FHOD3: variants seen among roughly 807,000 people sequenced by gnomAD.
FHOD3 encodes FH1/FH2 domain-containing protein 3.
In FHOD3, 90 loss-of-function variants were observed where a neutral mutation model predicts 173.0. The observed-to-expected ratio is 0.52, with a 90% CI of 0.44 to 0.62. The LOEUF is 0.62. FHOD3 is among the 20% of genes least tolerant of loss of function. The pLI is 0.00. For missense variants in FHOD3, 1,945 were observed against 2,034.7 expected, an observed-to-expected ratio of 0.96 and a Z score of 0.85; for synonymous variants, 828 against 823.0, an observed-to-expected ratio of 1.01 and a Z score of -0.10.
intron 8 of FHOD3, among the ~76,000 whole-genome samples, chr18:36,609,622 T>G (rs2032457395): frequency 6.7e-6 from 1 of 149,580 alleles, no homozygotes; most frequent in Non-Finnish European, 1.5e-5. Flanking sequence ...TTTTTTTTTT[T>G]TTTTTGAGAC....
intron 1 of FHOD3, among the ~76,000 whole-genome samples, chr18:36,313,226 G>A (rs2092297257): frequency 6.6e-6 from 1 of 152,158 alleles, no homozygotes; most frequent in Admixed American, 6.5e-5. Flanking sequence ...CCTCATTCAA[G>A]GGCAAGGGGG....
chr18:36,531,896 A>C (rs2056797771), intron 5 of FHOD3, among the ~76,000 whole-genome samples: 1 of 151,346 alleles, frequency 6.6e-6, no homozygotes, highest in African/African-American at 2.4e-5. Context: ...AGTCTCCCCA[A>C]CTCTCTCCTG....
At chr18:36,746,111 A>G (rs373407906) in intron 23 of FHOD3, among the ~76,000 whole-genome samples, 2 of 152,118 alleles carry the variant, frequency 1.3e-5, no homozygotes, top group Non-Finnish European at 2.9e-5. Flanking sequence ...GAAATTCTAT[A>G]AAATCATCAC....
At chr18:36,598,213 A>G (rs1248194226) in intron 7 of FHOD3, among the ~76,000 whole-genome samples, 1 of 152,224 alleles carries the variant, frequency 6.6e-6, no homozygotes, top group Non-Finnish European at 1.5e-5. Context: ...CTCAGCAGGG[A>G]TGAGTGGACA....
intron 1 of FHOD3, among the ~76,000 whole-genome samples, chr18:36,347,346 C>T: frequency 6.6e-6 from 1 of 152,136 alleles, no homozygotes; most frequent in East Asian, 1.9e-4. Flanking sequence ...CTATCACTCC[C>T]TCTAAATTTA....
chr18:36,520,825 C>A (rs1010836313), intron 5 of FHOD3, among the ~76,000 whole-genome samples: 3 of 152,168 alleles, frequency 2.0e-5, no homozygotes, highest in African/African-American at 7.2e-5. Flanking sequence ...TTTCCACGAC[C>A]AAATCTCACT....
chr18:36,749,816 CT>C lies in FHOD3; in HGVS notation c.4232+2688del, dbSNP rs542777271. 3.1e-3 allele frequency among the ~76,000 whole-genome samples: 471 copies of C among 152,252 alleles called. 3 individuals are homozygous for C. The highest frequency in any genetic ancestry group is 0.011 in the African/African-American group (449 of 41,556). The stretch of plus-strand genomic sequence containing the variant: ...TCCCTCCAACCGAGTATAAGTGTTC[CT>C]TTTTTTCCACAACTTCACCAACATC... On this transcript the variant is annotated intron_variant, in intron 24 of 28. Coordinates refer to ENST00000590592, the MANE Select transcript of FHOD3 (RefSeq NM_001281740.3).
At chr18:36,735,259 G>T (rs982505807) in intron 20 of FHOD3, among the ~76,000 whole-genome samples, 1 of 152,210 alleles carries the variant, frequency 6.6e-6, no homozygotes, top group African/African-American at 2.4e-5. Context: ...TTTGAAAGCA[G>T]TTTAACCTGT....
At chr18:36,626,710 T>G (rs116447277) in intron 10 of FHOD3, among the ~76,000 whole-genome samples, 3,908 of 152,284 alleles carry the variant, frequency 0.026, 179 homozygotes, top group African/African-American at 0.09. Flanking sequence ...ATAGAGATCC[T>G]CCTGGGAGTC....
At chr18:36,442,134 A>G (rs1256466856) in intron 3 of FHOD3, among the ~76,000 whole-genome samples, 2 of 152,174 alleles carry the variant, frequency 1.3e-5, no homozygotes, top group Non-Finnish European at 2.9e-5. Flanking sequence ...GTGTTCTGAG[A>G]ATGCCCCCTC....
chr18:36,471,919 TACC>T (rs2053308931), intron 3 of FHOD3, among the ~76,000 whole-genome samples: 1 of 152,152 alleles, frequency 6.6e-6, no homozygotes, highest in Admixed American at 6.6e-5. Context: ...AATGACAAAA[TACC>T]TGTGAAAGAA....
chr18:36,546,005 C>T (rs538482856), intron 5 of FHOD3, among the ~76,000 whole-genome samples: 9 of 152,330 alleles, frequency 5.9e-5, no homozygotes, highest in Admixed American at 2.6e-4. Context: ...TACGGCTTGC[C>T]GTTTGGAAAA....
intron 16 of FHOD3, among the ~76,000 whole-genome samples, chr18:36,691,917 T>C (rs2038988082): frequency 6.6e-6 from 1 of 152,236 alleles, no homozygotes; most frequent in Admixed American, 6.5e-5. Flanking sequence ...AAAACAGACA[T>C]ACACATGTGA....
chr18:36,394,040 C>G lies in FHOD3; in HGVS notation c.337+21296C>G, dbSNP rs2048431778. ...GAAAAGACACACAGATGAGCGTGAGCAGAATCAGAGTGAATTTGCTAACAA... is the reference window on the plus strand; with the variant it reads ...GAAAAGACACACAGATGAGCGTGAGGAGAATCAGAGTGAATTTGCTAACAA... On this transcript the variant is annotated intron_variant, in intron 3 of 28. Coordinates refer to ENST00000590592, the MANE Select transcript of FHOD3 (RefSeq NM_001281740.3). Among the ~76,000 whole-genome samples, 3 of 152,108 alleles carry G rather than the reference C, an allele frequency of 2.0e-5. No individual in the cohort carries two copies. In the South Asian group the frequency reaches 6.2e-4, roughly 32 times the overall value.
intron 3 of FHOD3, among the ~76,000 whole-genome samples, chr18:36,465,015 G>A (rs1007766756): frequency 1.3e-5 from 2 of 152,096 alleles, no homozygotes; most frequent in Non-Finnish European, 2.9e-5. Flanking sequence ...ATAAAAATTG[G>A]TATGACAATC....
chr18:36,779,738 C>T lies in FHOD3; in HGVS notation c.*208C>T, dbSNP rs867588151. The T allele has an allele frequency of 1.1e-5, 6 of 564,752 alleles. No individual in the cohort carries two copies. In the Admixed American group the frequency reaches 1.6e-4, roughly 15 times the overall value. 35.0% of individuals were successfully genotyped at this position (564,752 alleles called of 1,614,324 possible). A position where few individuals can be genotyped will look rare whatever the true frequency, so the allele number is the denominator to read the frequency against. On this transcript the variant is annotated 3_prime_UTR_variant, in exon 29 of 29. Coordinates refer to ENST00000590592, the MANE Select transcript of FHOD3 (RefSeq NM_001281740.3). ...AGTCCCCTGCACATACCTTCTCCAT[C>T]GTGTCAGCTGTGTTTCTCTTGATTC...
intron 3 of FHOD3, among the ~76,000 whole-genome samples, chr18:36,478,256 T>C (rs2053697652): frequency 6.6e-6 from 1 of 152,226 alleles, no homozygotes; most frequent in South Asian, 2.1e-4. Flanking sequence ...CATCTTTTTT[T>C]GATGAATGTA....
intron 24 of FHOD3, among the ~76,000 whole-genome samples, chr18:36,750,798 G>T (rs1053442476): frequency 6.6e-6 from 1 of 152,176 alleles, no homozygotes; most frequent in Non-Finnish European, 1.5e-5. Context: ...GGTCATAGGT[G>T]TGTGACCTTA....
In FHOD3 at chr18:36,355,549, G is replaced by C; in HGVS notation, c.176G>C (p.Cys59Ser). 1 of 1,614,078 alleles carries C rather than the reference G, an allele frequency of 6.2e-7. No individual in the cohort carries two copies. Among genetic ancestry groups the C allele is most frequent in the Non-Finnish European group, 8.5e-7 (1 of 1,179,956 alleles). The change falls in exon 2 of 29, where the codon TGT (cysteine) becomes TCT (serine). Residue 59 changes from cysteine to serine, a missense_variant. Cys to Ser is a moderately radical substitution (Grantham distance 112). This residue lies in a region of FHOD3 where 245 missense variants were observed against 267.7 expected (regional missense o/e 0.92). Coordinates refer to ENST00000590592, the MANE Select transcript of FHOD3 (RefSeq NM_001281740.3). ...CTCTTTCTCTTGCAGCTGGATGACT[G>C]TACTCTGCAGCTCTCTCACAATGGC... Reference protein sequence around the residue: ...LLQAPHKLDDCTLQLSHNGAY... With the variant: ...LLQAPHKLDDSTLQLSHNGAY...
Sources: gnomAD v4.1 joint callset for allele counts (sites outside exome capture counted in the v4.1 genomes callset) on GRCh38, gnomAD v4.1.1 for gene constraint, gnomAD v4.1.1 regional missense constraint, MANE v1.5 for transcripts, NCBI Gene and HGNC (gene_info 2026-07-23, HGNC 2026-07-21) for gene names.